Variants in ZDHHC15 observed in about 807,000 individuals in gnomAD.
ZDHHC15 encodes the protein zDHHC palmitoyltransferase 15.
A neutral mutation model predicts 31.7 loss-of-function variants in ZDHHC15; 19 were observed. The observed-to-expected ratio is 0.60, with a 90% CI of 0.42 to 0.88. The LOEUF (loss-of-function observed/expected upper bound fraction) is 0.88. Among genes scored for constraint, ZDHHC15 ranks in the 40% least tolerant of loss-of-function variants. ZDHHC15 has a pLI of 0.00. For synonymous variants in ZDHHC15, 103 were observed against 90.0 expected, an observed-to-expected ratio of 1.14 and a Z score of -0.82; for missense variants, 209 against 251.2, an observed-to-expected ratio of 0.83 and a Z score of 1.14.
At chrX:75,492,206 G>A (rs2084908868) in intron 2 of ZDHHC15, among the ~76,000 whole-genome samples, 1 of 111,178 alleles carries the variant, frequency 9.0e-6, no homozygotes, top group Non-Finnish European at 1.9e-5. Flanking sequence ...AATGGTAAAG[G>A]GATCAATTCA....
chrX:75,496,257 G>A (rs1326127486), intron 2 of ZDHHC15, among the ~76,000 whole-genome samples: 1 of 111,548 alleles, frequency 9.0e-6, no homozygotes, highest in Non-Finnish European at 1.9e-5. Flanking sequence ...AAAAGACAAA[G>A]AGAGACATTA....
chrX:75,493,385 C>T, intron 2 of ZDHHC15, among the ~76,000 whole-genome samples: 1 of 111,912 alleles, frequency 8.9e-6, no homozygotes, highest in Non-Finnish European at 1.9e-5. Context: ...CCTTCTGAAA[C>T]TATTCCAATC....
At chrX:75,432,239 A>T (rs2083789144) in intron 4 of ZDHHC15, among the ~76,000 whole-genome samples, 1 of 110,214 alleles carries the variant, frequency 9.1e-6, no homozygotes, top group African/African-American at 3.3e-5. Flanking sequence ...TTTCCTTTAG[A>T]TGAAAGGTAT....
intron 10 of ZDHHC15, among the ~76,000 whole-genome samples, chrX:75,412,785 G>A (rs780221862): frequency 9.0e-6 from 1 of 111,641 alleles, no homozygotes; most frequent in Non-Finnish European, 1.9e-5. Context: ...ACATGGATGA[G>A]ACTGGAGGAT....
chrX:75,383,734 G>GTTTTTTTTTTTTTTTTTTTT lies in ZDHHC15; in HGVS notation c.968-4537_968-4536insAAAAAAAAAAAAAAAAAAAA, dbSNP rs541238663. On this transcript the variant is annotated intron_variant, in intron 10 of 11. Coordinates refer to ENST00000373367, the MANE Select transcript of ZDHHC15 (RefSeq NM_144969.3). ...ACTACCCCAAATTTAAGAAATGTTA[G>GTTTTTTTTTTTTTTTTTTTT]GTTTTTTTTTTTTTTTTTTTTTGAG... Among the ~76,000 whole-genome samples, 3 of 77,793 alleles carry GTTTTTTTTTTTTTTTTTTTT rather than the reference G, an allele frequency of 3.9e-5. 1 individual carries two copies. The highest frequency in any genetic ancestry group is 4.8e-5 in the Non-Finnish European group (2 of 41,880). The allele number at this position is 77,793 out of a possible 115,157, so 67.6% of individuals were successfully genotyped here. A position where few individuals can be genotyped will look rare whatever the true frequency, so the allele number is the denominator to read the frequency against.
chrX:75,430,017 C>T (rs1401536564), intron 5 of ZDHHC15, 37 bp from the exon 6 acceptor site: 1 of 1,186,834 alleles, frequency 8.4e-7, no homozygotes, highest in Non-Finnish European at 1.1e-6. Context: ...ATAAGTGAGG[C>T]TATGGAAATG....
intron 3 of ZDHHC15, among the ~76,000 whole-genome samples, chrX:75,471,244 C>T (rs1363331151): frequency 8.9e-6 from 1 of 112,177 alleles, no homozygotes; most frequent in Non-Finnish European, 1.9e-5. Context: ...CTTTATTGTC[C>T]TACCTTAGGA....
At position 75,442,985 on chromosome X, in the gene ZDHHC15, C is replaced by CAA. The variant is rs1321633891; in HGVS notation, c.379+7815_379+7816dup. On this transcript the variant is annotated intron_variant, in intron 4 of 11. Coordinates refer to ENST00000373367, the MANE Select transcript of ZDHHC15 (RefSeq NM_144969.3). ...TGGGCGACAGAGCGAGACTCCGTCT[C>CAA]AAAAAAAAAAAAAAAAAAGAAAAAA... is the stretch of plus-strand genomic sequence containing the variant. 2.5e-3 allele frequency among the ~76,000 whole-genome samples: 110 copies of CAA among 43,672 alleles called. 4 individuals carry two copies. Among genetic ancestry groups the CAA allele is most frequent in the East Asian group, 0.011 (21 of 1,831 alleles). 37.9% of individuals were successfully genotyped at this position (43,672 alleles called of 115,157 possible). A position where few individuals can be genotyped will look rare whatever the true frequency, so the allele number is the denominator to read the frequency against.
chrX:75,450,168 G>T (rs1183585389), intron 4 of ZDHHC15, among the ~76,000 whole-genome samples: 1 of 111,842 alleles, frequency 8.9e-6, no homozygotes, highest in African/African-American at 3.2e-5. Context: ...AATAAAAGAA[G>T]CCAGACGCAA....
At chrX:75,471,246 A>G (rs1163685576) in intron 3 of ZDHHC15, among the ~76,000 whole-genome samples, 1 of 112,001 alleles carries the variant, frequency 8.9e-6, no homozygotes, top group Non-Finnish European at 1.9e-5. Context: ...TTATTGTCCT[A>G]CCTTAGGAGT....
chrX:75,509,355 A>G (rs1247109936), intron 1 of ZDHHC15, among the ~76,000 whole-genome samples: 1 of 111,734 alleles, frequency 8.9e-6, no homozygotes, highest in Non-Finnish European at 1.9e-5. Flanking sequence ...TTTTTCACTA[A>G]GTTTTGGAAT....
At chrX:75,494,324 C>G (rs1374223745) in intron 2 of ZDHHC15, among the ~76,000 whole-genome samples, 22 of 111,047 alleles carry the variant, frequency 2.0e-4, no homozygotes, top group South Asian at 1.9e-3. Context: ...CTCATGGGTA[C>G]GAAGAATCAA....
chrX:75,399,058 C>T (rs2083328144), intron 10 of ZDHHC15, among the ~76,000 whole-genome samples: 1 of 111,754 alleles, frequency 8.9e-6, no homozygotes, highest in African/African-American at 3.3e-5. Context: ...CTGGTGACAC[C>T]TCCAGGTTGT....
At chrX:75,449,835 T>C (rs1378235859) in intron 4 of ZDHHC15, among the ~76,000 whole-genome samples, 2 of 112,162 alleles carry the variant, frequency 1.8e-5, no homozygotes, top group Non-Finnish European at 3.8e-5. Context: ...CTTTTTAACA[T>C]ATTCCCCATA....
chrX:75,383,324 C>A (rs1259939751), intron 10 of ZDHHC15, among the ~76,000 whole-genome samples: 1 of 112,291 alleles, frequency 8.9e-6, no homozygotes, highest in East Asian at 2.8e-4. Flanking sequence ...ACCTTATTTT[C>A]CAACAGTTGC....
intron 3 of ZDHHC15, among the ~76,000 whole-genome samples, chrX:75,471,045 T>G (rs1197921569): frequency 8.9e-6 from 1 of 112,289 alleles, no homozygotes. Flanking sequence ...TACAGTGGAT[T>G]ATCGTAAGCT....
At chrX:75,388,708 G>T (rs1050426736) in intron 10 of ZDHHC15, among the ~76,000 whole-genome samples, 1 of 111,594 alleles carries the variant, frequency 9.0e-6, no homozygotes. Flanking sequence ...GCAAAAAAGG[G>T]CAGTAGAAAG....
chrX:75,492,626 C>G (rs930746615), intron 2 of ZDHHC15, among the ~76,000 whole-genome samples: 2 of 111,823 alleles, frequency 1.8e-5, no homozygotes, highest in Non-Finnish European at 3.8e-5. Flanking sequence ...GATTAAGAAA[C>G]TCACTCAAAA....
chrX:75,479,116 G>A (rs2084650701), intron 2 of ZDHHC15, 131 bp from the exon 3 acceptor site: 4 of 415,951 alleles, frequency 9.6e-6, no homozygotes, highest in Non-Finnish European at 1.5e-5. Flanking sequence ...ATTATGAAGT[G>A]TTAATTTTAT....
Sources: gnomAD v4.1 joint callset for allele counts (sites outside exome capture counted in the v4.1 genomes callset) on GRCh38, gnomAD v4.1.1 for gene constraint, MANE v1.5 for transcripts, NCBI Gene and HGNC (gene_info 2026-07-23, HGNC 2026-07-21) for gene names.